RELN: variants seen among roughly 807,000 people sequenced by gnomAD.
The protein encoded by RELN is reelin.
In RELN, 108 loss-of-function variants were observed where a neutral mutation model predicts 427.6. That is an observed-to-expected ratio of 0.25 (90% CI 0.22 to 0.30). The LOEUF (loss-of-function observed/expected upper bound fraction) is 0.30, where lower values mean the gene tolerates loss of function less well. Among genes scored for constraint, RELN ranks in the 10% least tolerant of loss-of-function variants. The probability of loss-of-function intolerance (pLI) is 1.00; values close to 1 mark genes in which losing one functional copy is unlikely to be tolerated. For missense variants in RELN, 3,715 were observed against 4,302.8 expected, an observed-to-expected ratio of 0.86 and a Z score of 3.82; for synonymous variants, 1,524 against 1,513.4, an observed-to-expected ratio of 1.01 and a Z score of -0.16.
chr7:103,806,524 C>T (rs1792604456), intron 3 of RELN, among the ~76,000 whole-genome samples: 1 of 151,984 alleles, frequency 6.6e-6, no homozygotes. Context: ...AGGGTTTTTC[C>T]ACATTGGCCA....
chr7:103,768,795 A>C (rs1391145112), intron 4 of RELN, among the ~76,000 whole-genome samples: 1 of 152,222 alleles, frequency 6.6e-6, no homozygotes, highest in Non-Finnish European at 1.5e-5. Flanking sequence ...GCAAGTCACC[A>C]TATAGGAGGA....
At chr7:103,983,099 A>G (rs557119159) in intron 1 of RELN, among the ~76,000 whole-genome samples, 4 of 152,344 alleles carry the variant, frequency 2.6e-5, no homozygotes, top group African/African-American at 9.6e-5. Flanking sequence ...AGTGGGATTC[A>G]ATGCTATCTA....
chr7:103,536,351 C>G (rs1267984890), intron 45 of RELN, among the ~76,000 whole-genome samples: 1 of 152,172 alleles, frequency 6.6e-6, no homozygotes, highest in East Asian at 1.9e-4. Flanking sequence ...TATAAGCTGC[C>G]TACGTCCCTA....
intron 10 of RELN, among the ~76,000 whole-genome samples, chr7:103,687,053 T>C (rs1294184429): frequency 6.6e-6 from 1 of 152,192 alleles, no homozygotes; most frequent in Non-Finnish European, 1.5e-5. Context: ...CATTAATTTC[T>C]GGATTCATTA....
intron 48 of RELN, among the ~76,000 whole-genome samples, chr7:103,519,816 T>C (rs1448753583): frequency 1.3e-5 from 2 of 152,144 alleles, no homozygotes; most frequent in African/African-American, 4.8e-5. Context: ...TCAAATGATC[T>C]GCCTGCCTCG....
At chr7:103,873,671 C>G (rs1794406809) in intron 2 of RELN, among the ~76,000 whole-genome samples, 1 of 140,422 alleles carries the variant, frequency 7.1e-6, no homozygotes, top group Non-Finnish European at 1.6e-5. Flanking sequence ...AGTTGAATCT[C>G]TGAATAGACC....
chr7:103,841,197 C>T (rs39384), intron 2 of RELN, among the ~76,000 whole-genome samples: 57,995 of 151,890 alleles, frequency 0.38, 11,414 homozygotes, highest in Non-Finnish European at 0.42. Flanking sequence ...TTAAAGCATC[C>T]ATTGTTACAA....
intron 6 of RELN, among the ~76,000 whole-genome samples, chr7:103,736,003 C>T (rs529826263): frequency 6.6e-6 from 1 of 152,140 alleles, no homozygotes; most frequent in Admixed American, 6.5e-5. Flanking sequence ...ATTTCCTGAC[C>T]CAAAGATAAT....
At chr7:103,646,078 A>G (rs1025803806) in intron 16 of RELN, among the ~76,000 whole-genome samples, 15 of 151,894 alleles carry the variant, frequency 9.9e-5, no homozygotes, top group African/African-American at 3.4e-4. Flanking sequence ...AAAAATTTTG[A>G]AATGAGTGAA....
chr7:103,612,367 C>T (rs886897959), intron 20 of RELN, among the ~76,000 whole-genome samples: 1 of 151,786 alleles, frequency 6.6e-6, no homozygotes, highest in Non-Finnish European at 1.5e-5. Context: ...CCTCCGCCCC[C>T]CTGGTTCAAG....
chr7:103,678,673 A>C (rs924499830), intron 11 of RELN, among the ~76,000 whole-genome samples: 2 of 152,178 alleles, frequency 1.3e-5, no homozygotes, highest in Non-Finnish European at 2.9e-5. Flanking sequence ...GTTATTAGAG[A>C]GGACTGCATA....
At chr7:103,491,927 A>T in intron 58 of RELN, 26 bp downstream of exon 58, 1 of 1,551,092 alleles carries the variant, frequency 6.4e-7, no homozygotes, top group Non-Finnish European at 8.9e-7. Context: ...AAGTTTGAAG[A>T]TAATGTTAAA....
At chr7:103,718,046 T>C (rs898588344) in intron 8 of RELN, among the ~76,000 whole-genome samples, 4 of 152,136 alleles carry the variant, frequency 2.6e-5, no homozygotes, top group African/African-American at 9.6e-5. Context: ...ATCCTTTACA[T>C]CTATTAAAGA....
At position 103,610,755 on chromosome 7, in the gene RELN, T is replaced by C. The variant is rs1188159287; in HGVS notation, c.2948A>G (p.Tyr983Cys). The C allele has an allele frequency of 6.2e-7, 1 of 1,612,428 alleles. No homozygotes were observed. The highest frequency in any genetic ancestry group is 8.5e-7 in the Non-Finnish European group (1 of 1,178,742). ...CCACTGTGTAAACTCACTGGCATGG[T>C]AAATACTTGCTGATGTAAATTCCTG... is the stretch of plus-strand genomic sequence containing the variant. ...SCQEFTSASIYHASEFTQWRR... is the reference protein window; with the variant it reads ...SCQEFTSASICHASEFTQWRR... Residue 983 changes from tyrosine (Y) to cysteine (C), a missense_variant, in exon 22 of 65, where the codon TAC becomes TGC. Tyr to Cys is a radical substitution (Grantham distance 194). Around this residue, in one of 4 missense-constraint regions of RELN, gnomAD observed 2,208 missense variants for 2,361.7 expected, o/e 0.93. Transcript: ENST00000428762.
chr7:103,765,147 T>C lies in RELN; in HGVS notation c.544+11410A>G, dbSNP rs145630765. ...GTACCCGAAGTTCAGGATGAAATAC[T>C]TGTTAAAGTAGCAGTGGCTTCAGCA... On this transcript the variant is annotated intron_variant, in intron 4 of 64. Coordinates refer to ENST00000428762, the MANE Select transcript of RELN (RefSeq NM_005045.4). Among the ~76,000 whole-genome samples, 107 of 152,276 alleles carry C rather than the reference T, an allele frequency of 7.0e-4. 1 individual carries two copies. The highest frequency in any genetic ancestry group is 2.5e-3 in the African/African-American group (105 of 41,562).
intron 3 of RELN, among the ~76,000 whole-genome samples, chr7:103,788,047 C>T (rs112294608): frequency 0.057 from 8,626 of 152,134 alleles, 446 homozygotes; most frequent in African/African-American, 0.14. Flanking sequence ...AATCAATAAA[C>T]GTAATCCATC....
chr7:103,974,669 T>C (rs1437821223), intron 1 of RELN, among the ~76,000 whole-genome samples: 1 of 152,228 alleles, frequency 6.6e-6, no homozygotes, highest in Non-Finnish European at 1.5e-5. Context: ...ACTGTCCAAG[T>C]AAATTTCTCT....
In RELN at chr7:103,883,537, T is replaced by C. The variant is rs150409129; in HGVS notation, c.337+33538A>G. ...ATGATTGTATATTTAGAAAACCCCA[T>C]CGACTCAGCCCAAAATCTCCTTAAG... is the stretch of plus-strand genomic sequence containing the variant. On this transcript the variant is annotated intron_variant, in intron 2 of 64. Transcript: ENST00000428762. Among the ~76,000 whole-genome samples, 602 of 152,278 alleles carry C rather than the reference T, an allele frequency of 4.0e-3. 22 individuals are homozygous for C. The East Asian group carries it at 0.072, about 18-fold the overall frequency.
chr7:103,790,823 G>T (rs1236316306), intron 3 of RELN, among the ~76,000 whole-genome samples: 1 of 152,064 alleles, frequency 6.6e-6, no homozygotes, highest in Non-Finnish European at 1.5e-5. Context: ...TCAGCCAGGT[G>T]TGGTGGTGCA....
Sources: allele counts gnomAD v4.1 joint callset (sites outside exome capture counted in the v4.1 genomes callset), GRCh38; gene constraint gnomAD v4.1.1; regional missense constraint gnomAD v4.1.1; transcripts MANE v1.5; gene names NCBI Gene and HGNC (gene_info 2026-07-23, HGNC 2026-07-21).